PYROXD1: variants seen among roughly 807,000 people sequenced by gnomAD.
PYROXD1 encodes pyridine nucleotide-disulphide oxidoreductase domain 1.
In PYROXD1, 42 loss-of-function variants were observed where a neutral mutation model predicts 62.0. The ratio of observed to expected loss-of-function variants is 0.68; its 90% confidence interval spans 0.53 to 0.88. PYROXD1 has a LOEUF of 0.88. PYROXD1 is among the 40% of genes least tolerant of loss of function. The probability of loss-of-function intolerance (pLI) is 0.00; values close to 1 mark genes in which losing one functional copy is unlikely to be tolerated. For missense variants in PYROXD1, 493 were observed against 604.8 expected, an observed-to-expected ratio of 0.82 and a Z score of 1.94; for synonymous variants, 170 against 206.4, an observed-to-expected ratio of 0.82 and a Z score of 1.51.
intron 10 of PYROXD1, among the ~76,000 whole-genome samples, chr12:21,466,564 T>A (rs540163679): frequency 3.3e-5 from 5 of 152,352 alleles, no homozygotes; most frequent in African/African-American, 1.2e-4. Flanking sequence ...GATTTTGGGC[T>A]GAGCTGATGG....
intron 1 of PYROXD1, among the ~76,000 whole-genome samples, chr12:21,440,131 G>A (rs1942266291): frequency 6.6e-6 from 1 of 152,098 alleles, no homozygotes; most frequent in Admixed American, 6.5e-5. Context: ...TTCTTGTTCA[G>A]GAGTTCTTTG....
chr12:21,468,436 C>A, intron 11 of PYROXD1, 70 bp from the exon 12 acceptor site: 2 of 1,420,836 alleles, frequency 1.4e-6, no homozygotes, highest in East Asian at 2.3e-5. Flanking sequence ...TCAAACTTGA[C>A]ACAAAATAAC....
chr12:21,461,399 GAATAT>G (rs1270145622), intron 8 of PYROXD1, among the ~76,000 whole-genome samples: 3 of 152,178 alleles, frequency 2.0e-5, no homozygotes, highest in African/African-American at 7.2e-5. Context: ...CCAACAATCA[GAATAT>G]ATTATAAATC....
At chr12:21,455,850 A>T in intron 6 of PYROXD1, 145 bp from the exon 7 acceptor site, 1 of 560,252 alleles carries the variant, frequency 1.8e-6, no homozygotes. Flanking sequence ...TAATGACTAA[A>T]ATGATTAATA....
chr12:21,459,774 A>G (rs956033261), intron 7 of PYROXD1, among the ~76,000 whole-genome samples: 1 of 152,242 alleles, frequency 6.6e-6, no homozygotes, highest in Non-Finnish European at 1.5e-5. Context: ...ATTTGGTCAC[A>G]GAAGTATTCT....
intron 10 of PYROXD1, 36 bp from the exon 11 acceptor site, chr12:21,467,445 A>G: frequency 6.4e-7 from 1 of 1,566,430 alleles, no homozygotes; most frequent in Non-Finnish European, 8.7e-7. Flanking sequence ...ATGATCATGA[A>G]AAATGACATT....
chr12:21,451,750 G>T (rs1222460323), intron 4 of PYROXD1, among the ~76,000 whole-genome samples: 1 of 152,062 alleles, frequency 6.6e-6, no homozygotes, highest in African/African-American at 2.4e-5. Flanking sequence ...TGAAAAGAAA[G>T]AATAATTGAT....
chr12:21,467,703 A>G, intron 11 of PYROXD1, 85 bp downstream of exon 11: 1 of 1,066,392 alleles, frequency 9.4e-7, no homozygotes, highest in East Asian at 2.5e-5. Flanking sequence ...GCTTGAATAA[A>G]AACGTACATA....
In PYROXD1 at chr12:21,438,860, G is replaced by T. The variant is rs1942243605; in HGVS notation, c.84+1046G>T. Among the ~76,000 whole-genome samples, 3 of 140,842 alleles carry T rather than the reference G, an allele frequency of 2.1e-5. No individual in the cohort carries two copies. In the South Asian group the frequency reaches 6.8e-4, roughly 32 times the overall value. The allele number at this position is 140,842 out of a possible 152,430, so 92.4% of individuals were successfully genotyped here. On this transcript the variant is annotated intron_variant, in intron 1 of 11. Transcript: ENST00000240651. ...GCAGGCACCGTATTAAGGGCTGAGT[G>T]TTCAACTATGAACAGCATGGTATAT...
chr12:21,458,593 G>T (rs1277365025), intron 7 of PYROXD1, among the ~76,000 whole-genome samples: 1 of 152,174 alleles, frequency 6.6e-6, no homozygotes, highest in African/African-American at 2.4e-5. Flanking sequence ...AGTGAGAGAT[G>T]TGTGATCCTT....
At chr12:21,454,151 A>C (rs1279012458) in intron 5 of PYROXD1, among the ~76,000 whole-genome samples, 1 of 151,922 alleles carries the variant, frequency 6.6e-6, no homozygotes, top group Non-Finnish European at 1.5e-5. Flanking sequence ...TTTTTTCGTA[A>C]TCTGTTTATT....
rs1942867047 is a variant in PYROXD1 at position 21,469,283 on chromosome 12, T to C, written c.*529T>C. 4.5e-5 allele frequency: 7 copies of C among 154,796 alleles called. No individual in the cohort carries two copies. Among genetic ancestry groups the C allele is most frequent in the Admixed American group, 3.2e-4 (5 of 15,616 alleles). The allele number at this position is 154,796 out of a possible 1,614,324, so 9.6% of individuals were successfully genotyped here. A position where few individuals can be genotyped will look rare whatever the true frequency, so the allele number is the denominator to read the frequency against. ...AATCATCTACAAGCTTGTCCAACTCTAGCCCACGGGTCTAATGCAGCCCAG... is the reference window on the plus strand; with the variant it reads ...AATCATCTACAAGCTTGTCCAACTCCAGCCCACGGGTCTAATGCAGCCCAG... On this transcript the variant is annotated 3_prime_UTR_variant, in exon 12 of 12. Coordinates refer to ENST00000240651, the MANE Select transcript of PYROXD1 (RefSeq NM_024854.5).
intron 7 of PYROXD1, 137 bp from the exon 8 acceptor site, chr12:21,460,888 C>T (rs2137279644): frequency 2.0e-6 from 1 of 503,888 alleles, no homozygotes; most frequent in Non-Finnish European, 3.3e-6. Flanking sequence ...TTTTAGGGCA[C>T]CCAATGTGGT....
Position 21,448,089 on chromosome 12 carries a change from A to G in PYROXD1, c.286-1474A>G, listed in dbSNP as rs142082803. 627 of 624,822 alleles carry G rather than the reference A, an allele frequency of 1.0e-3. 5 individuals are homozygous for G. The African/African-American group carries it at 0.011, about 11-fold the overall frequency. The allele number at this position is 624,822 out of a possible 1,614,324, so 38.7% of individuals were successfully genotyped here. A position where few individuals can be genotyped will look rare whatever the true frequency, so the allele number is the denominator to read the frequency against. ...AGCAAACTGAGCTGGGCCACTCAAC[A>G]TGGCTTTTATCATGTCTGATGTTAA... On this transcript the variant is annotated intron_variant, in intron 3 of 11. Transcript: ENST00000240651.
At chr12:21,464,984 A>G (rs112076332) in intron 10 of PYROXD1, among the ~76,000 whole-genome samples, 2,064 of 152,212 alleles carry the variant, frequency 0.014, 39 homozygotes, top group African/African-American at 0.047. Context: ...CCATGTCCCT[A>G]CAAAGGACAT....
intron 10 of PYROXD1, 21 bp downstream of exon 10, chr12:21,462,883 A>T: frequency 6.3e-7 from 1 of 1,597,526 alleles, no homozygotes; most frequent in Middle Eastern, 1.7e-4. Context: ...ATATATAATT[A>T]TATGTTTTCA....
chr12:21,448,251 C>A, intron 3 of PYROXD1: 1 of 415,968 alleles, frequency 2.4e-6, no homozygotes, highest in South Asian at 4.2e-5. Context: ...TACTGTGCTT[C>A]CCCAGGAACT....
At chr12:21,447,850 G>T (rs566459935) in intron 3 of PYROXD1, 3 of 178,342 alleles carry the variant, frequency 1.7e-5, no homozygotes, top group African/African-American at 2.4e-5. Flanking sequence ...TTAGCCAGGC[G>T]TGGGGGCGGG....
chr12:21,438,868 A>G (rs1489117516), intron 1 of PYROXD1, among the ~76,000 whole-genome samples: 1 of 114,290 alleles, frequency 8.7e-6, no homozygotes, highest in Non-Finnish European at 1.9e-5. Flanking sequence ...GTGTTCAACT[A>G]TGAACAGCAT....
Sources: allele counts gnomAD v4.1 joint callset (sites outside exome capture counted in the v4.1 genomes callset), GRCh38; gene constraint gnomAD v4.1.1; transcripts MANE v1.5; gene names NCBI Gene and HGNC (gene_info 2026-07-23, HGNC 2026-07-21).